Variants in DHX16 observed in about 807,000 individuals in gnomAD.
DHX16 encodes pre-mRNA-splicing factor ATP-dependent RNA helicase DHX16.
Under a neutral mutation model 131.2 loss-of-function variants are expected in DHX16, and 81 were observed. The observed-to-expected ratio is 0.62, with a 90% CI of 0.52 to 0.74. The LOEUF is 0.74. DHX16 is among the 30% of genes least tolerant of loss of function. The pLI is 0.00. For synonymous variants in DHX16, 440 were observed against 520.2 expected, an observed-to-expected ratio of 0.85 and a Z score of 2.10; for missense variants, 980 against 1,363.1, an observed-to-expected ratio of 0.72 and a Z score of 4.43.
Position 30,672,917 on chromosome 6 carries a change from G to T in DHX16, c.-76C>A. 6.3e-7 allele frequency: 1 copy of T among 1,584,360 alleles called. No individual in the cohort carries two copies. The highest frequency in any genetic ancestry group is 1.1e-5 in the South Asian group (1 of 88,156). Reference sequence around the variant, plus strand: ...CACTGCTGGGCCGGTCAGAGGCCTGGAGCCCTCGGCTGGAGCCTCAGCTTC... The same window carrying T: ...CACTGCTGGGCCGGTCAGAGGCCTGTAGCCCTCGGCTGGAGCCTCAGCTTC... On this transcript the variant is annotated 5_prime_UTR_variant, in exon 1 of 20. Transcript: ENST00000376442.
At chr6:30,657,393 C>T (rs374154698) in intron 12 of DHX16, among the ~76,000 whole-genome samples, 13 of 151,732 alleles carry the variant, frequency 8.6e-5, no homozygotes, top group East Asian at 5.8e-4. Flanking sequence ...TCCCCATCAC[C>T]GCTTTCGTCT....
In DHX16 at chr6:30,671,378, C is replaced by A. The variant is rs1190359594; in HGVS notation, c.208-104G>T. The A allele has an allele frequency of 3.6e-6, 4 of 1,119,240 alleles. No individual in the cohort carries two copies. The South Asian group carries it at 4.4e-5, about 12-fold the overall frequency. 69.3% of individuals were successfully genotyped at this position (1,119,240 alleles called of 1,614,324 possible). ...AGCAATTACTTAGTCTTTCCTGCCC[C>A]CGCGGCCCGGCCCCACTGTCAGGCA... On this transcript the variant is annotated intron_variant, in intron 1 of 19. Transcript: ENST00000376442.
chr6:30,656,701 C>T lies in DHX16; in HGVS notation c.2207G>A (p.Arg736His), dbSNP rs777560628. The change falls in exon 14 of 20, where the codon CGC becomes CAC. Residue 736 changes from arginine (R) to histidine (H), a missense_variant. By Grantham distance (29) the Arg-to-His change is conservative. Transcript: ENST00000376442. This position sits in a 1 kb window ranked among gnomAD's most constrained non-coding sequence, Gnocchi z 5.1. ...AGRVAAGKCF[R>H]LYTAWAYQHE... ...CTGATAGGCCCAGGCGGTATACAGG[C>T]GGAAGCACTTCCCTGCAGCCACCCG... is the stretch of plus-strand genomic sequence containing the variant. 14 of 1,613,376 alleles carry T rather than the reference C, an allele frequency of 8.7e-6. No individual in the cohort carries two copies. Among genetic ancestry groups the T allele is most frequent in the South Asian group, 3.3e-5 (3 of 91,092 alleles).
chr6:30,653,376 A>G lies in DHX16; in HGVS notation c.2998-6T>C, dbSNP rs1396397382. On this transcript the variant is annotated splice_polypyrimidine_tract_variant and splice_region_variant and intron_variant, in intron 19 of 19. Coordinates refer to ENST00000376442, the MANE Select transcript of DHX16 (RefSeq NM_003587.5). ...CTGCTCTCAATCTCCAGTACCTAGG[A>G]GAGAGAAAAGATCAATGGAGTTCCC... is the stretch of plus-strand genomic sequence containing the variant. 1 of 1,596,074 alleles carries G rather than the reference A, an allele frequency of 6.3e-7. No homozygotes were observed. The highest frequency in any genetic ancestry group is 8.5e-7 in the Non-Finnish European group (1 of 1,175,428).
Position 30,672,944 on chromosome 6 carries a change from C to G in DHX16, c.-103G>C. ...GCCCTCGGCTGGAGCCTCAGCTTCG[C>G]AAGTCAGCTACCTTGGGACCTCTAG... is the stretch of plus-strand genomic sequence containing the variant. On this transcript the variant is annotated 5_prime_UTR_variant, in exon 1 of 20. Transcript: ENST00000376442. 6.4e-7 allele frequency: 1 copy of G among 1,559,472 alleles called. No individual in the cohort carries two copies. Among genetic ancestry groups the G allele is most frequent in the African/African-American group, 1.4e-5 (1 of 73,380 alleles).
At position 30,660,088 on chromosome 6, in the gene DHX16, C is replaced by T. The variant is rs780140127; in HGVS notation, c.1699G>A (p.Ala567Thr). The T allele has an allele frequency of 5.0e-6, 8 of 1,612,686 alleles. No homozygotes were observed. The highest frequency in any genetic ancestry group is 1.7e-5 in the Admixed American group (1 of 59,954). ...CGTCCGGGGATTCGAAACACAGGGG[C>T]GTCATCAAAGAAGGTGGAAAAACGG... Reference protein sequence around the residue: ...TARFSTFFDDAPVFRIPGRRF... With the variant: ...TARFSTFFDDTPVFRIPGRRF... Residue 567 changes from alanine (A) to threonine (T), a missense_variant, in exon 10 of 20, where the codon GCC becomes ACC. Around this residue, in one of 3 missense-constraint regions of DHX16, gnomAD observed 309 missense variants for 537.1 expected, o/e 0.58. Transcript: ENST00000376442.
chr6:30,653,220 A>G lies in DHX16; in HGVS notation c.*22T>C. 1 of 1,605,162 alleles carries G rather than the reference A, an allele frequency of 6.2e-7. No individual in the cohort carries two copies. Among genetic ancestry groups the G allele is most frequent in the Non-Finnish European group, 8.5e-7 (1 of 1,177,806 alleles). ...TATAGAAGGAAAAGGAGCTGGTGTC[A>G]GGTTCTGTTTACGTCCTTCTCTTAC... On this transcript the variant is annotated 3_prime_UTR_variant, in exon 20 of 20. Coordinates refer to ENST00000376442, the MANE Select transcript of DHX16 (RefSeq NM_003587.5).
intron 19 of DHX16, among the ~76,000 whole-genome samples, chr6:30,654,036 T>G (rs924110588): frequency 3.3e-5 from 5 of 152,002 alleles, no homozygotes; most frequent in African/African-American, 4.8e-5. Flanking sequence ...GGGGAATCAC[T>G]TGAAACCGAA....
In DHX16 at chr6:30,659,696, C is replaced by T. The variant is rs568132642; in HGVS notation, c.1854+40G>A. The T allele has an allele frequency of 1.9e-6, 3 of 1,612,698 alleles. No homozygotes were observed. The South Asian group carries it at 3.3e-5, about 18-fold the overall frequency. Reference sequence around the variant, plus strand: ...GGCCAACATGCCGGCCCTGTCTTCCCCTGGGATACATCATCCCCTCTCCCC... The same window carrying T: ...GGCCAACATGCCGGCCCTGTCTTCCTCTGGGATACATCATCCCCTCTCCCC... On this transcript the variant is annotated intron_variant, in intron 11 of 19. Coordinates refer to ENST00000376442, the MANE Select transcript of DHX16 (RefSeq NM_003587.5).
Position 30,659,462 on chromosome 6 carries a change from T to G in DHX16, c.2007+10A>C. 1 of 1,579,498 alleles carries G rather than the reference T, an allele frequency of 6.3e-7. No individual in the cohort carries two copies. Among genetic ancestry groups the G allele is most frequent in the Non-Finnish European group, 8.6e-7 (1 of 1,163,012 alleles). Reference sequence around the variant, plus strand: ...CATAGGGGTGAAGAGTGTGGGTTTCTCCAACTGACCTTTCGTGCCCCAGGT... The same window carrying G: ...CATAGGGGTGAAGAGTGTGGGTTTCGCCAACTGACCTTTCGTGCCCCAGGT... On this transcript the variant is annotated intron_variant, in intron 12 of 19. Coordinates refer to ENST00000376442, the MANE Select transcript of DHX16 (RefSeq NM_003587.5).
Position 30,671,068 on chromosome 6 carries a change from TTCC to T in DHX16, c.411_413del (p.Glu139del), listed in dbSNP as rs772334597. On this transcript the variant is annotated inframe_deletion, in exon 2 of 20. Coordinates refer to ENST00000376442, the MANE Select transcript of DHX16 (RefSeq NM_003587.5). ...TCTTCTTCCCTTTCTCAGAAGCCTC[TTCC>T]TCCTCTTCTTCCTCACGCTTCTTCC... 177 of 1,613,026 alleles carry T rather than the reference TTCC, an allele frequency of 1.1e-4. No homozygotes were observed. The highest frequency in any genetic ancestry group is 4.5e-4 in the Admixed American group (27 of 60,004).
chr6:30,670,290 A>G lies in DHX16; in HGVS notation c.666+120T>C, dbSNP rs1205459854. The G allele has an allele frequency of 1.0e-6, 1 of 988,590 alleles. No individual in the cohort carries two copies. Among genetic ancestry groups the G allele is most frequent in the African/African-American group, 1.6e-5 (1 of 61,096 alleles). The allele number at this position is 988,590 out of a possible 1,614,324, so 61.2% of individuals were successfully genotyped here. On this transcript the variant is annotated intron_variant, in intron 4 of 19. Transcript: ENST00000376442. The surrounding 1 kb of genome is among the most constrained non-coding windows in gnomAD (Gnocchi z 4.4). ...TAACAACCAAGCCCCTCTTCTAGAA[A>G]CCTGACCACCCCATCAGCATCCACA...
rs902917839 is a variant in DHX16 at position 30,655,055 on chromosome 6, G to A, written c.2823+120C>T. On this transcript the variant is annotated intron_variant, in intron 18 of 19. Transcript: ENST00000376442. ...GGAAGAAAGGGCCCTGGGAGGACACGTCATACACAAGGGGAAGAGGGCATG... is the reference window on the plus strand; with the variant it reads ...GGAAGAAAGGGCCCTGGGAGGACACATCATACACAAGGGGAAGAGGGCATG... 8.9e-6 allele frequency: 13 copies of A among 1,460,020 alleles called. No individual in the cohort carries two copies. The African/African-American group carries it at 9.8e-5, about 11-fold the overall frequency. 90.4% of individuals were successfully genotyped at this position (1,460,020 alleles called of 1,614,324 possible). A position where few individuals can be genotyped will look rare whatever the true frequency, so the allele number is the denominator to read the frequency against.
At position 30,656,625 on chromosome 6, in the gene DHX16, GC is replaced by G; in HGVS notation, c.2282del (p.Gly761AlafsTer10). On this transcript the variant is annotated frameshift_variant, in exon 14 of 20. Coordinates refer to ENST00000376442, the MANE Select transcript of DHX16 (RefSeq NM_003587.5). LOFTEE classifies it high-confidence loss of function. This position sits in a 1 kb window ranked among gnomAD's most constrained non-coding sequence, Gnocchi z 5.1. ...AGCTCTTGAGCAGCAACACGACATT[GC>G]CCAAGCTGGTCCTCTGGATCTCAGG... is the stretch of plus-strand genomic sequence containing the variant. ...TVPEIQRTSL[G>X]NVVLLLKSLG... 6.2e-7 allele frequency: 1 copy of G among 1,614,140 alleles called. No homozygotes were observed. Among genetic ancestry groups the G allele is most frequent in the Non-Finnish European group, 8.5e-7 (1 of 1,180,036 alleles).
chr6:30,656,978 A>G lies in DHX16; in HGVS notation c.2122T>C (p.Ser708Pro). 6.2e-7 allele frequency: 1 copy of G among 1,612,908 alleles called. No individual in the cohort carries two copies. The highest frequency in any genetic ancestry group is 8.5e-7 in the Non-Finnish European group (1 of 1,179,944). ...TTGCTGCAGGGTGTGACAGTGAGCGATTCCATGCCTGTGCGGGGGTTGTAG... is the reference window on the plus strand; with the variant it reads ...TTGCTGCAGGGTGTGACAGTGAGCGGTTCCATGCCTGTGCGGGGGTTGTAG... The part of the protein sequence containing the change: ...KSYNPRTGME[S>P]LTVTPCSKAS... The change falls in exon 13 of 20, where the codon TCG becomes CCG. Residue 708 changes from serine to proline, a missense_variant. Coordinates refer to ENST00000376442, the MANE Select transcript of DHX16 (RefSeq NM_003587.5). This position sits in a 1 kb window ranked among gnomAD's most constrained non-coding sequence, Gnocchi z 5.1.
chr6:30,662,583 GC>G lies in DHX16; in HGVS notation c.1544+43del, dbSNP rs1768608937. The G allele has an allele frequency of 6.6e-7, 1 of 1,511,354 alleles. No individual in the cohort carries two copies. The highest frequency in any genetic ancestry group is 1.7e-5 in the Admixed American group (1 of 59,186). 93.6% of individuals were successfully genotyped at this position (1,511,354 alleles called of 1,614,324 possible). ...TAATCAGAAGACAATGGCTGAATTG[GC>G]TGGGTGGGAAGAAGGGAGAGAAAGG... On this transcript the variant is annotated intron_variant, in intron 9 of 19. Transcript: ENST00000376442. The surrounding 1 kb of genome is among the most constrained non-coding windows in gnomAD (Gnocchi z 4.7).
chr6:30,664,935 C>T lies in DHX16; in HGVS notation c.1183G>A (p.Val395Ile), dbSNP rs907436587. The T allele has an allele frequency of 9.9e-6, 16 of 1,613,612 alleles. No homozygotes were observed. The highest frequency in any genetic ancestry group is 4.0e-5 in the African/African-American group (3 of 74,872). ...GGGAACACCGGGAGGCTGCGGCGGA[C>T]GGCCTGGATGGACTCTTTCTGCTGG... ...QAQQKESIQA[V>I]RRSLPVFPFR... Residue 395 changes from valine to isoleucine, a missense_variant, in exon 7 of 20, where the codon GTC becomes ATC. Physicochemically the swap from Val to Ile is conservative, Grantham distance 29. Coordinates refer to ENST00000376442, the MANE Select transcript of DHX16 (RefSeq NM_003587.5).
At chr6:30,663,351 G>A (rs1293920197) in intron 7 of DHX16, among the ~76,000 whole-genome samples, 1 of 152,128 alleles carries the variant, frequency 6.6e-6, no homozygotes, top group Non-Finnish European at 1.5e-5. Flanking sequence ...TACTTTGGGA[G>A]GCTGAGGTGG....
chr6:30,654,986 G>C (rs943150818), intron 18 of DHX16, 107 bp from the exon 19 acceptor site: 2 of 1,417,892 alleles, frequency 1.4e-6, no homozygotes, highest in Non-Finnish European at 1.9e-6. Context: ...GAGAGGTAAG[G>C]AATGCATGAA....
Sources: allele counts gnomAD v4.1 joint callset (sites outside exome capture counted in the v4.1 genomes callset), GRCh38; gene constraint gnomAD v4.1.1; regional missense constraint gnomAD v4.1.1; non-coding constraint Gnocchi (gnomAD v3.1); transcripts MANE v1.5; gene names NCBI Gene and HGNC (gene_info 2026-07-23, HGNC 2026-07-21).